Variants in LRBA observed in about 807,000 individuals in gnomAD.
The protein encoded by LRBA is LPS responsive beige-like anchor protein.
A neutral mutation model predicts 330.0 loss-of-function variants in LRBA; 176 were observed. That is an observed-to-expected ratio of 0.53 (90% CI 0.47 to 0.60). The LOEUF (loss-of-function observed/expected upper bound fraction) is 0.60, where lower values mean the gene tolerates loss of function less well. Ranked by LOEUF, LRBA falls within the 20% of genes least tolerant of loss-of-function variation. The pLI is 0.00. For missense variants in LRBA, 3,259 were observed against 3,444.8 expected (o/e 0.95, Z 1.35); for synonymous variants, 1,230 against 1,193.0 (o/e 1.03, Z -0.64).
chr4:150,455,497 T>C (rs528706667), intron 44 of LRBA, among the ~76,000 whole-genome samples: 5 of 152,048 alleles, frequency 3.3e-5, no homozygotes, highest in South Asian at 2.1e-4. Context: ...ATGGATGAAA[T>C]TGGAAATCAT....
intron 42 of LRBA, among the ~76,000 whole-genome samples, chr4:150,474,471 T>C (rs1482335334): frequency 6.6e-6 from 1 of 152,162 alleles, no homozygotes; most frequent in Non-Finnish European, 1.5e-5. Flanking sequence ...TTCTTATATT[T>C]CAAAATTGTT....
Position 151,014,710 on chromosome 4 carries a change from A to G in LRBA, c.-68T>C, listed in dbSNP as rs886505988. The G allele has an allele frequency of 5.8e-6, 6 of 1,030,886 alleles. No homozygotes were observed. Among genetic ancestry groups the G allele is most frequent in the Non-Finnish European group, 8.6e-6 (6 of 700,010 alleles). The allele number at this position is 1,030,886 out of a possible 1,614,324, so 63.9% of individuals were successfully genotyped here. On this transcript the variant is annotated 5_prime_UTR_variant, in exon 2 of 57. Transcript: ENST00000651943. ...GGCAGTCGCTGCACTGGTAATGAGC[A>G]CAACACACGCAATGCAAAACGAAAG...
chr4:151,011,849 TTTAA>T (rs1296194090), intron 2 of LRBA, among the ~76,000 whole-genome samples: 3 of 151,552 alleles, frequency 2.0e-5, no homozygotes, highest in South Asian at 2.1e-4. Context: ...TAATTTTTTA[TTTAA>T]TTTTTTTTTT....
At position 150,678,178 on chromosome 4, in the gene LRBA, T is replaced by C. The variant is rs550929652; in HGVS notation, c.5921+5373A>G. On this transcript the variant is annotated intron_variant, in intron 37 of 56. Coordinates refer to ENST00000651943, the MANE Select transcript of LRBA (RefSeq NM_001364905.1). Reference sequence around the variant, plus strand: ...ACTGCTTGAACCCAGGATGGGGAGGTTGCAGTGAGCTGAGATCCTGCCACT... The same window carrying C: ...ACTGCTTGAACCCAGGATGGGGAGGCTGCAGTGAGCTGAGATCCTGCCACT... 9.9e-5 allele frequency among the ~76,000 whole-genome samples: 15 copies of C among 151,172 alleles called. No homozygotes were observed. The East Asian group carries it at 2.7e-3, about 27-fold the overall frequency.
Position 150,568,720 on chromosome 4 carries a change from C to T in LRBA, c.6330+19328G>A, listed in dbSNP as rs1034178840. ...TTATATCAAATTAACACATTTATTACATTTTAGATATATATTCATATCAAA... is the reference window on the plus strand; with the variant it reads ...TTATATCAAATTAACACATTTATTATATTTTAGATATATATTCATATCAAA... On this transcript the variant is annotated intron_variant, in intron 40 of 56. Transcript: ENST00000651943. Among the ~76,000 whole-genome samples the T allele has an allele frequency of 7.9e-5, 12 of 152,082 alleles. No homozygotes were observed. In the East Asian group the frequency reaches 2.1e-3, roughly 27 times the overall value.
chr4:150,922,394 G>GTATATATATATATATATATATATATA (rs56340108), intron 4 of LRBA, among the ~76,000 whole-genome samples: 5 of 139,716 alleles, frequency 3.6e-5, no homozygotes, highest in African/African-American at 1.3e-4. Context: ...AGAAACTGTG[G>GTATATATATATATATATATATATATA]TATATATATA....
chr4:150,628,793 G>A (rs1777092983), intron 37 of LRBA, among the ~76,000 whole-genome samples: 1 of 152,138 alleles, frequency 6.6e-6, no homozygotes, highest in Non-Finnish European at 1.5e-5. Flanking sequence ...TTTCTTTGTT[G>A]AGCTACTGTT....
At chr4:150,445,315 A>C (rs112769666) in intron 44 of LRBA, among the ~76,000 whole-genome samples, 1 of 149,082 alleles carries the variant, frequency 6.7e-6, no homozygotes, top group Non-Finnish European at 1.5e-5. Flanking sequence ...TCATCTGAAT[A>C]TAATAAAACT....
chr4:150,608,868 G>A (rs747088769), intron 37 of LRBA, among the ~76,000 whole-genome samples: 4 of 152,166 alleles, frequency 2.6e-5, no homozygotes, highest in African/African-American at 9.7e-5. Flanking sequence ...GTAGAATTGT[G>A]TGACTGGCTT....
chr4:150,786,747 G>A, intron 34 of LRBA, among the ~76,000 whole-genome samples: 1 of 152,100 alleles, frequency 6.6e-6, no homozygotes, highest in African/African-American at 2.4e-5. Flanking sequence ...TTTTAGGGAG[G>A]CTGATCTGAG....
intron 34 of LRBA, among the ~76,000 whole-genome samples, chr4:150,770,603 AC>A (rs1736426417): frequency 1.3e-5 from 2 of 151,814 alleles, no homozygotes; most frequent in South Asian, 4.2e-4. Flanking sequence ...ACACACACAC[AC>A]ACACAAACAC....
intron 44 of LRBA, among the ~76,000 whole-genome samples, chr4:150,461,271 T>C (rs991374387): frequency 2.6e-5 from 4 of 151,834 alleles, no homozygotes; most frequent in Non-Finnish European, 4.4e-5. Context: ...GAAGGCACTA[T>C]TGGCATATTA....
In LRBA at chr4:150,806,338, A is replaced by G. The variant is rs1313549940; in HGVS notation, c.5451T>C (p.Asp1817=). 5.0e-6 allele frequency: 8 copies of G among 1,609,918 alleles called. No homozygotes were observed. Among genetic ancestry groups the G allele is most frequent in the Non-Finnish European group, 5.9e-6 (7 of 1,178,074 alleles). The part of the protein sequence containing the change: ...AAPLLREIFV[D]FAPFLSRTLL... ...GTGTCCGAGAAAGAAAAGGTGCAAA[A>G]TCCACAAAAATCTCACGAAGGAGAG... Residue 1817 remains aspartate (D), a synonymous_variant, in exon 33 of 57, where the codon GAT becomes GAC. Transcript: ENST00000651943.
At chr4:150,981,389 G>A (rs1235301782) in intron 2 of LRBA, among the ~76,000 whole-genome samples, 12 of 146,334 alleles carry the variant, frequency 8.2e-5, no homozygotes, top group South Asian at 2.2e-4. Context: ...CTCCAGCCTC[G>A]GCGACGGAGT....
At chr4:150,821,476 T>C (rs1310858857) in intron 30 of LRBA, among the ~76,000 whole-genome samples, 1 of 152,116 alleles carries the variant, frequency 6.6e-6, no homozygotes, top group Non-Finnish European at 1.5e-5. Flanking sequence ...ATGAAAATAC[T>C]GTTGCTGGAT....
At chr4:150,984,723 C>G (rs544184944) in intron 2 of LRBA, among the ~76,000 whole-genome samples, 86 of 152,122 alleles carry the variant, frequency 5.7e-4, no homozygotes, top group African/African-American at 2.0e-3. Context: ...GTGTGTGTGT[C>G]TGTAACAGAA....
chr4:150,890,390 CG>C (rs1729340010), intron 17 of LRBA, among the ~76,000 whole-genome samples: 1 of 151,896 alleles, frequency 6.6e-6, no homozygotes, highest in African/African-American at 2.4e-5. Flanking sequence ...CAAGGGCAGA[CG>C]GGAGTTTTTG....
At chr4:150,723,336 G>A (rs947262343) in intron 36 of LRBA, among the ~76,000 whole-genome samples, 2 of 152,164 alleles carry the variant, frequency 1.3e-5, no homozygotes, top group African/African-American at 4.8e-5. Context: ...GAGTAAAGAG[G>A]ACTTTGACTT....
chr4:150,701,788 G>A (rs895596094), intron 36 of LRBA, among the ~76,000 whole-genome samples: 5 of 152,160 alleles, frequency 3.3e-5, no homozygotes, highest in Admixed American at 3.3e-4. Flanking sequence ...AAGCTATGAT[G>A]ACACAAAATC....
Sources: allele counts gnomAD v4.1 joint callset (sites outside exome capture counted in the v4.1 genomes callset), GRCh38; gene constraint gnomAD v4.1.1; transcripts MANE v1.5; gene names NCBI Gene and HGNC (gene_info 2026-07-23, HGNC 2026-07-21).